HSP90B1: variants seen among roughly 807,000 people sequenced by gnomAD.
HSP90B1 encodes endoplasmin.
In HSP90B1, 27 loss-of-function variants were observed where a neutral mutation model predicts 100.4. That is an observed-to-expected ratio of 0.27 (90% CI 0.20 to 0.37). The LOEUF (loss-of-function observed/expected upper bound fraction) is 0.37, where lower values mean the gene tolerates loss of function less well. Ranked by LOEUF, HSP90B1 falls within the 10% of genes least tolerant of loss-of-function variation. The probability of loss-of-function intolerance (pLI) is 1.00; values close to 1 mark genes in which losing one functional copy is unlikely to be tolerated. For missense variants in HSP90B1, 678 were observed against 960.5 expected (o/e 0.71, Z 3.89); for synonymous variants, 304 against 330.8 (o/e 0.92, Z 0.88).
chr12:103,931,743 T>C, intron 2 of HSP90B1, 120 bp downstream of exon 2: 1 of 748,440 alleles, frequency 1.3e-6, no homozygotes, highest in Non-Finnish European at 2.4e-6. Context: ...TGTATTTAAA[T>C]ACCCGGTGAG....
Position 103,934,296 on chromosome 12 carries a change from G to T in HSP90B1, c.743+9G>T. The stretch of plus-strand genomic sequence containing the variant: ...CGGGGAACGACAATTACGTGAGTAT[G>T]ACCAATTCCTTATAAGAATTAATAG... On this transcript the variant is annotated intron_variant, in intron 5 of 17. Transcript: ENST00000299767. 2.5e-6 allele frequency: 4 copies of T among 1,594,370 alleles called. No homozygotes were observed. In the South Asian group the frequency reaches 4.4e-5, roughly 18 times the overall value.
chr12:103,943,441 A>AC lies in HSP90B1; in HGVS notation c.1890+122_1890+123insC. On this transcript the variant is annotated intron_variant, in intron 13 of 17. Transcript: ENST00000299767. This position sits in a 1 kb window ranked among gnomAD's most constrained non-coding sequence, Gnocchi z 5.3. ...CCATTAGAATGGTAAAAATTTAATT[A>AC]ATGTAATTAAATTATTGGGAGAAAG... The AC allele has an allele frequency of 4.5e-6, 4 of 879,580 alleles. No individual in the cohort carries two copies. Among genetic ancestry groups the AC allele is most frequent in the Non-Finnish European group, 6.7e-6 (4 of 594,750 alleles). The allele number at this position is 879,580 out of a possible 1,614,324, so 54.5% of individuals were successfully genotyped here.
intron 2 of HSP90B1, 44 bp downstream of exon 2, chr12:103,931,667 A>C (rs1869766617): frequency 3.6e-6 from 5 of 1,375,834 alleles, no homozygotes; most frequent in Non-Finnish European, 5.2e-6. Flanking sequence ...AGCCGTGTGA[A>C]CCTTGTGAGT....
chr12:103,939,105 T>C (rs1012040509), intron 7 of HSP90B1, among the ~76,000 whole-genome samples: 5 of 152,074 alleles, frequency 3.3e-5, no homozygotes, highest in African/African-American at 1.2e-4. Flanking sequence ...GCCCTTTTTT[T>C]TTTTTTCTTT....
chr12:103,932,368 G>A lies in HSP90B1; in HGVS notation c.244G>A (p.Val82Ile). Residue 82 changes from valine (V) to isoleucine (I), a missense_variant, in exon 3 of 18, where the codon GTT becomes ATT. Transcript: ENST00000299767. ...KSEKFAFQAE[V>I]NRMMKLIINS... Reference sequence around the variant, plus strand: ...GGAAAAGTTTGCCTTCCAAGCCGAAGTTAACAGAATGATGAAACTTATCAT... The same window carrying A: ...GGAAAAGTTTGCCTTCCAAGCCGAAATTAACAGAATGATGAAACTTATCAT... 6.2e-7 allele frequency: 1 copy of A among 1,613,418 alleles called. No homozygotes were observed. The highest frequency in any genetic ancestry group is 8.5e-7 in the Non-Finnish European group (1 of 1,179,606).
chr12:103,931,909 C>T (rs2136212259), intron 2 of HSP90B1: 1 of 448,108 alleles, frequency 2.2e-6, no homozygotes, highest in South Asian at 2.1e-5. Flanking sequence ...CTGTGTACAC[C>T]GAGTAAGTTT....
At chr12:103,936,801 A>G (rs1869933451) in intron 5 of HSP90B1, among the ~76,000 whole-genome samples, 1 of 152,104 alleles carries the variant, frequency 6.6e-6, no homozygotes. Flanking sequence ...CTTGCATCCA[A>G]AACTGAACTC....
rs1869761570 is a variant in HSP90B1 at position 103,931,549 on chromosome 12, T to A, written c.78T>A (p.Asp26Glu). Residue 26 changes from aspartate (D) to glutamate (E), a missense_variant, in exon 2 of 18, where the codon GAT becomes GAA. Coordinates refer to ENST00000299767, the MANE Select transcript of HSP90B1 (RefSeq NM_003299.3). ...FGSVRADDEV[D>E]VDGTVEEDLG... is the part of the protein sequence containing the mutation. ...CGGTCAGAGCTGACGATGAAGTTGA[T>A]GTGGATGGTACAGTAGAAGAGGATC... 5 of 1,613,598 alleles carry A rather than the reference T, an allele frequency of 3.1e-6. No homozygotes were observed. The highest frequency in any genetic ancestry group is 4.2e-6 in the Non-Finnish European group (5 of 1,179,702).
chr12:103,947,484 AGAGTTTT>A, intron 17 of HSP90B1, 54 bp downstream of exon 17: 1 of 1,613,572 alleles, frequency 6.2e-7, no homozygotes, highest in Non-Finnish European at 8.5e-7. Flanking sequence ...AAGTTAGGAC[AGAGTTTT>A]AGTTCTGGCA....
At chr12:103,936,401 G>A (rs1313463860) in intron 5 of HSP90B1, among the ~76,000 whole-genome samples, 6 of 152,092 alleles carry the variant, frequency 3.9e-5, no homozygotes, top group African/African-American at 1.2e-4. Flanking sequence ...CAGCACCTCG[G>A]GAGGCTGAGG....
intron 5 of HSP90B1, among the ~76,000 whole-genome samples, chr12:103,934,560 G>A (rs114258568): frequency 3.5e-4 from 54 of 152,330 alleles, no homozygotes; most frequent in African/African-American, 1.1e-3. Context: ...CCACAGAGGA[G>A]GCACTGCTTG....
intron 11 of HSP90B1, 65 bp from the exon 12 acceptor site, chr12:103,942,462 G>T: frequency 6.8e-7 from 1 of 1,466,124 alleles, no homozygotes; most frequent in Non-Finnish European, 9.4e-7. Context: ...TCCTGCCTGG[G>T]TACCTTACAT....
Position 103,943,431 on chromosome 12 carries a change from AAATTT to A in HSP90B1, c.1890+117_1890+121del, listed in dbSNP as rs1209154366. The A allele has an allele frequency of 1.0e-6, 1 of 969,770 alleles. No individual in the cohort carries two copies. Among genetic ancestry groups the A allele is most frequent in the African/African-American group, 2.1e-5 (1 of 46,680 alleles). The allele number at this position is 969,770 out of a possible 1,614,324, so 60.1% of individuals were successfully genotyped here. On this transcript the variant is annotated intron_variant, in intron 13 of 17. Coordinates refer to ENST00000299767, the MANE Select transcript of HSP90B1 (RefSeq NM_003299.3). The surrounding 1 kb of genome is among the most constrained non-coding windows in gnomAD (Gnocchi z 5.3). Reference sequence around the variant, plus strand: ...TACTTTGTAACCATTAGAATGGTAAAAATTTAATTAATGTAATTAAATTATTGGGA... The same window carrying A: ...TACTTTGTAACCATTAGAATGGTAAAAATTAATGTAATTAAATTATTGGGA...
intron 8 of HSP90B1, among the ~76,000 whole-genome samples, chr12:103,940,872 T>G (rs1270108759): frequency 6.6e-6 from 1 of 152,246 alleles, no homozygotes; most frequent in African/African-American, 2.4e-5. Flanking sequence ...CATCTGAATT[T>G]GAACTAGCTA....
chr12:103,939,513 A>C lies in HSP90B1; in HGVS notation c.980A>C (p.Glu327Ala). The change falls in exon 8 of 18, where the codon GAA (glutamate) becomes GCA (alanine). Residue 327 changes from glutamate (E) to alanine (A), a missense_variant. Physicochemically the swap from Glu to Ala is moderately radical, Grantham distance 107. Around this residue, in one of 8 missense-constraint regions of HSP90B1, gnomAD observed 238 missense variants for 346.7 expected, o/e 0.69. Transcript: ENST00000299767. Reference sequence around the variant, plus strand: ...CAAATACTATAATAACTTCAGGTTGAAAAAACTGTCTGGGACTGGGAACTT... The same window carrying C: ...CAAATACTATAATAACTTCAGGTTGCAAAAACTGTCTGGGACTGGGAACTT... ...EEKKPKTKKVEKTVWDWELMN... is the reference protein window; with the variant it reads ...EEKKPKTKKVAKTVWDWELMN... 2 of 1,527,006 alleles carry C rather than the reference A, an allele frequency of 1.3e-6. No individual in the cohort carries two copies. 94.6% of individuals were successfully genotyped at this position (1,527,006 alleles called of 1,614,324 possible).
intron 14 of HSP90B1, among the ~76,000 whole-genome samples, chr12:103,946,008 C>A (rs554758124): frequency 2.6e-5 from 4 of 152,252 alleles, no homozygotes; most frequent in Admixed American, 1.3e-4. Flanking sequence ...AAAATCCACA[C>A]ATAGTCAAGT....
At position 103,930,594 on chromosome 12, in the gene HSP90B1, C is replaced by G. The variant is rs1297513148; in HGVS notation, c.49+30C>G. ...GTGATTCTGGAGGAGCAGACGTCCC[C>G]CCTCCACACACGCGGCCGCTTCTCG... On this transcript the variant is annotated intron_variant, in intron 1 of 17. Transcript: ENST00000299767. The surrounding 1 kb of genome is among the most constrained non-coding windows in gnomAD (Gnocchi z 4.4). 6.3e-7 allele frequency: 1 copy of G among 1,593,934 alleles called. No individual in the cohort carries two copies. The highest frequency in any genetic ancestry group is 8.5e-7 in the Non-Finnish European group (1 of 1,171,110).
chr12:103,946,411 T>G (rs925165710), intron 14 of HSP90B1, among the ~76,000 whole-genome samples: 2 of 151,914 alleles, frequency 1.3e-5, no homozygotes, highest in Non-Finnish European at 2.9e-5. Flanking sequence ...GTTTGGTTGC[T>G]GAACCTGCAC....
Position 103,932,944 on chromosome 12 carries a change from T to G in HSP90B1, c.411+2T>G, listed in dbSNP as rs764214897. The G allele has an allele frequency of 7.1e-7, 1 of 1,410,302 alleles. No homozygotes were observed. The allele number at this position is 1,410,302 out of a possible 1,614,324, so 87.4% of individuals were successfully genotyped here. On this transcript the variant is annotated splice_donor_variant, in intron 4 of 17. Coordinates refer to ENST00000299767, the MANE Select transcript of HSP90B1 (RefSeq NM_003299.3). LOFTEE classifies it high-confidence loss of function. Reference sequence around the variant, plus strand: ...GAGGAACTAACAGTCAAAATTAAGGTAAGTGTAAGGCAGTTTTTCTTTCTT... The same window carrying G: ...GAGGAACTAACAGTCAAAATTAAGGGAAGTGTAAGGCAGTTTTTCTTTCTT...
Sources: gnomAD v4.1 joint callset for allele counts (sites outside exome capture counted in the v4.1 genomes callset) on GRCh38, gnomAD v4.1.1 for gene constraint, gnomAD v4.1.1 regional missense constraint, Gnocchi (gnomAD v3.1) non-coding constraint, MANE v1.5 for transcripts, NCBI Gene and HGNC (gene_info 2026-07-23, HGNC 2026-07-21) for gene names.